The following TTC33 variants were observed in gnomAD, a reference collection of about 807,000 sequenced individuals.
TTC33 encodes tetratricopeptide repeat domain 33, also known as tetratricopeptide repeat protein 33.
A neutral mutation model predicts 29.4 loss-of-function variants in TTC33; 24 were observed. The ratio of observed to expected loss-of-function variants is 0.82; its 90% CI spans 0.59 to 1.15. TTC33 has a LOEUF of 1.15. Among genes scored for constraint, TTC33 ranks in the 50% most tolerant of loss-of-function variants. TTC33 has a pLI of 0.00. For synonymous variants in TTC33, 107 were observed against 100.3 expected, an observed-to-expected ratio of 1.07 and a Z score of -0.40; for missense variants, 286 against 310.4, an observed-to-expected ratio of 0.92 and a Z score of 0.59.
chr5:40,713,452 T>C lies in TTC33; in HGVS notation c.*2693A>G, dbSNP rs1206125278. Among the ~76,000 whole-genome samples the C allele has an allele frequency of 6.6e-6, 1 of 152,200 alleles. No individual in the cohort carries two copies. Among genetic ancestry groups the C allele is most frequent in the African/African-American group, 2.4e-5 (1 of 41,472 alleles). On this transcript the variant is annotated 3_prime_UTR_variant, in exon 5 of 5. Coordinates refer to ENST00000337702, the MANE Select transcript of TTC33 (RefSeq NM_012382.3). ...TACCATACGGCATCAATTCAAAAGA[T>C]TGTCATACTGAAACCACTGCCATAA... is the stretch of plus-strand genomic sequence containing the variant.
At chr5:40,738,164 C>T (rs1018367708) in intron 2 of TTC33, among the ~76,000 whole-genome samples, 6 of 152,078 alleles carry the variant, frequency 3.9e-5, no homozygotes, top group African/African-American at 1.2e-4. Flanking sequence ...GTAATCCCAG[C>T]ACTTTGGGAG....
intron 1 of TTC33, among the ~76,000 whole-genome samples, chr5:40,750,831 T>C (rs1742882071): frequency 1.3e-5 from 2 of 152,232 alleles, no homozygotes; most frequent in Non-Finnish European, 2.9e-5. Context: ...ACTTTCTTTG[T>C]TCATCCCTAA....
chr5:40,755,959 A>G lies in TTC33; in HGVS notation c.-137T>C, dbSNP rs1742978641. 2 of 152,318 alleles carry G rather than the reference A, an allele frequency of 1.3e-5. No individual in the cohort carries two copies. The highest frequency in any genetic ancestry group is 1.3e-4 in the Admixed American group (2 of 15,278). The allele number at this position is 152,318 out of a possible 1,614,324, so 9.4% of individuals were successfully genotyped here. A position where few individuals can be genotyped will look rare whatever the true frequency, so the allele number is the denominator to read the frequency against. ...GCCAATCTCTTCTCCGGGACCACAA[A>G]TCCCAGAAGTCACCGCGGCCGCCCC... On this transcript the variant is annotated 5_prime_UTR_variant, in exon 1 of 5. Coordinates refer to ENST00000337702, the MANE Select transcript of TTC33 (RefSeq NM_012382.3).
chr5:40,753,372 A>G (rs200160328), intron 1 of TTC33, among the ~76,000 whole-genome samples: 1 of 151,212 alleles, frequency 6.6e-6, no homozygotes, highest in Non-Finnish European at 1.5e-5. Flanking sequence ...CTCAAAAAAA[A>G]AAAGAAAGAA....
At chr5:40,748,873 G>T (rs146161224) in intron 1 of TTC33, among the ~76,000 whole-genome samples, 3 of 152,276 alleles carry the variant, frequency 2.0e-5, no homozygotes, top group Non-Finnish European at 4.4e-5. Context: ...GGTGGCTCAC[G>T]TCTGTAATCC....
At chr5:40,740,890 A>AT (rs1203763669) in intron 2 of TTC33, among the ~76,000 whole-genome samples, 3 of 152,104 alleles carry the variant, frequency 2.0e-5, no homozygotes, top group African/African-American at 4.8e-5. Context: ...TGTTCAGTAT[A>AT]TTTTTTATTT....
chr5:40,724,452 G>A (rs913251077), intron 4 of TTC33, among the ~76,000 whole-genome samples: 5 of 152,044 alleles, frequency 3.3e-5, no homozygotes, highest in Non-Finnish European at 7.4e-5. Context: ...GGCCAACACG[G>A]TGAAACCCTG....
chr5:40,739,089 ATATT>A (rs1300672733), intron 2 of TTC33, among the ~76,000 whole-genome samples: 3 of 152,208 alleles, frequency 2.0e-5, no homozygotes, highest in African/African-American at 7.2e-5. Context: ...TCTGTATCAT[ATATT>A]ATTTTCATTG....
At chr5:40,733,491 A>T (rs1742481510) in intron 2 of TTC33, among the ~76,000 whole-genome samples, 1 of 152,158 alleles carries the variant, frequency 6.6e-6, no homozygotes, top group African/African-American at 2.4e-5. Flanking sequence ...CCAACCCTAG[A>T]TCTACTTGGC....
In TTC33 at chr5:40,746,828, T is replaced by A; in HGVS notation, c.191A>T (p.Asp64Val). 6.2e-7 allele frequency: 1 copy of A among 1,613,946 alleles called. No individual in the cohort carries two copies. Among genetic ancestry groups the A allele is most frequent in the Non-Finnish European group, 8.5e-7 (1 of 1,179,954 alleles). The change falls in exon 2 of 5, where the codon GAT (aspartate) becomes GTT (valine). Residue 64 changes from aspartate to valine, a missense_variant. Physicochemically the swap from Asp to Val is radical, Grantham distance 152. Transcript: ENST00000337702. Reference protein sequence around the residue: ...GCAEKSKQLKDEGASLAENKR... With the variant: ...GCAEKSKQLKVEGASLAENKR... ...ATTTTCAGCCAAACTGGCTCCTTCA[T>A]CCTTCAGCTGTTTACTTTTCTCAGC... is the stretch of plus-strand genomic sequence containing the variant.
At chr5:40,748,099 T>A (rs1293410261) in intron 1 of TTC33, among the ~76,000 whole-genome samples, 1 of 152,220 alleles carries the variant, frequency 6.6e-6, no homozygotes, top group Admixed American at 6.5e-5. Context: ...AGTTCTGAGA[T>A]AACAGGCGTG....
chr5:40,733,907 T>TAC (rs1300945368), intron 2 of TTC33, among the ~76,000 whole-genome samples: 3 of 152,008 alleles, frequency 2.0e-5, no homozygotes, highest in South Asian at 2.1e-4. Flanking sequence ...CAAACAGACA[T>TAC]ACACACACAC....
In TTC33 at chr5:40,713,955, ATGAGC is replaced by A. The variant is rs1264260320; in HGVS notation, c.*2185_*2189del. ...TAAGCATTTTGAGGGGCCTGCAGAA[ATGAGC>A]TGCCTTCCTTCTCCATAACTTACTG... On this transcript the variant is annotated 3_prime_UTR_variant, in exon 5 of 5. Transcript: ENST00000337702. 2.8e-4 allele frequency among the ~76,000 whole-genome samples: 43 copies of A among 152,212 alleles called. No homozygotes were observed. Among genetic ancestry groups the A allele is most frequent in the Non-Finnish European group, 4.9e-4 (33 of 68,028 alleles).
chr5:40,712,071 TATACTC>T lies in TTC33; in HGVS notation c.*4068_*4073del, dbSNP rs951697079. ...TACTTGCATTTTATTATTTCTAAGT[TATACTC>T]ATTTAAGAAAGTTAATAGAGGTGAA... On this transcript the variant is annotated 3_prime_UTR_variant, in exon 5 of 5. Coordinates refer to ENST00000337702, the MANE Select transcript of TTC33 (RefSeq NM_012382.3). Among the ~76,000 whole-genome samples the T allele has an allele frequency of 3.3e-5, 5 of 152,136 alleles. No individual in the cohort carries two copies. Among genetic ancestry groups the T allele is most frequent in the Non-Finnish European group, 5.9e-5 (4 of 68,006 alleles).
chr5:40,738,823 C>A (rs1290676741), intron 2 of TTC33, among the ~76,000 whole-genome samples: 1 of 151,848 alleles, frequency 6.6e-6, no homozygotes, highest in Non-Finnish European at 1.5e-5. Flanking sequence ...TTTTTTTATG[C>A]TTCTTGGTCA....
rs114017833 is a variant in TTC33 at position 40,744,299 on chromosome 5, C to T, written c.221+2499G>A. On this transcript the variant is annotated intron_variant, in intron 2 of 4. Transcript: ENST00000337702. ...ATCTTGATTGCTATTTATTTTCCAC[C>T]CTTTATTCCCAATTTGAGATGCTAG... is the stretch of plus-strand genomic sequence containing the variant. Among the ~76,000 whole-genome samples, 759 of 152,158 alleles carry T rather than the reference C, an allele frequency of 5.0e-3. 8 individuals carry two copies. The highest frequency in any genetic ancestry group is 0.017 in the African/African-American group (717 of 41,510).
In TTC33 at chr5:40,715,270, TA is replaced by T. The variant is rs1478069435; in HGVS notation, c.*874del. ...CAAATGGAAAGACACAAGCAAGAAGTAAGTTGTTTCCAGGGTTTTTAAAGCT... is the reference window on the plus strand; with the variant it reads ...CAAATGGAAAGACACAAGCAAGAAGTAGTTGTTTCCAGGGTTTTTAAAGCT... On this transcript the variant is annotated 3_prime_UTR_variant, in exon 5 of 5. Transcript: ENST00000337702. 1 of 152,120 alleles carries T rather than the reference TA, an allele frequency of 6.6e-6. No homozygotes were observed. The highest frequency in any genetic ancestry group is 2.4e-5 in the African/African-American group (1 of 41,444). The allele number at this position is 152,120 out of a possible 1,614,324, so 9.4% of individuals were successfully genotyped here.
chr5:40,722,252 G>A (rs982880507), intron 4 of TTC33, among the ~76,000 whole-genome samples: 18 of 151,788 alleles, frequency 1.2e-4, no homozygotes, highest in African/African-American at 4.4e-4. Context: ...ATCTCGGCTC[G>A]CTGCAACCTC....
chr5:40,745,300 A>T (rs1157768899), intron 2 of TTC33, among the ~76,000 whole-genome samples: 1 of 111,296 alleles, frequency 9.0e-6, no homozygotes, highest in Non-Finnish European at 1.9e-5. Flanking sequence ...GATAAAAGAT[A>T]TGTTAGGTAA....
Sources: gnomAD v4.1 joint callset for allele counts (sites outside exome capture counted in the v4.1 genomes callset) on GRCh38, gnomAD v4.1.1 for gene constraint, MANE v1.5 for transcripts, NCBI Gene and HGNC (gene_info 2026-07-23, HGNC 2026-07-21) for gene names.